The following PDZRN3 variants were observed in gnomAD, a reference collection of about 807,000 sequenced individuals.
PDZRN3 encodes the protein E3 ubiquitin-protein ligase PDZRN3.
In PDZRN3, 38 loss-of-function variants were observed where a neutral mutation model predicts 85.7. The observed-to-expected ratio is 0.44, with a 90% CI of 0.34 to 0.58. The LOEUF is 0.58. Among genes scored for constraint, PDZRN3 ranks in the 20% least tolerant of loss-of-function variants. The pLI, the probability that PDZRN3 is intolerant of heterozygous loss-of-function variation, is 0.01. For missense variants in PDZRN3, 1,629 were observed against 1,506.4 expected, an observed-to-expected ratio of 1.08 and a Z score of -1.35; for synonymous variants, 759 against 638.0, an observed-to-expected ratio of 1.19 and a Z score of -2.86.
At chr3:73,452,839 C>CTGTG (rs35308043) in intron 3 of PDZRN3, among the ~76,000 whole-genome samples, 3,382 of 140,674 alleles carry the variant, frequency 0.024, 141 homozygotes, top group African/African-American at 0.082. Flanking sequence ...GTCCATATAT[C>CTGTG]TGTGTGTGTG....
chr3:73,538,746 C>G (rs1295378601), intron 3 of PDZRN3, among the ~76,000 whole-genome samples: 1 of 152,098 alleles, frequency 6.6e-6, no homozygotes, highest in Non-Finnish European at 1.5e-5. Flanking sequence ...ATTGTTTCAT[C>G]TGGTTTTCAT....
At chr3:73,562,493 C>T (rs142063853) in intron 3 of PDZRN3, among the ~76,000 whole-genome samples, 1 of 152,282 alleles carries the variant, frequency 6.6e-6, no homozygotes, top group Non-Finnish European at 1.5e-5. Flanking sequence ...CTGTAAACTA[C>T]ACACAAAGTA....
intron 9 of PDZRN3, 77 bp from the exon 10 acceptor site, chr3:73,385,007 G>A (rs972389265): frequency 1.6e-5 from 24 of 1,500,024 alleles, no homozygotes; most frequent in African/African-American, 7.0e-5. Flanking sequence ...CTTTCCTTGC[G>A]GTTTCTGGAT....
chr3:73,471,093 G>A (rs1362530727), intron 3 of PDZRN3, among the ~76,000 whole-genome samples: 1 of 152,118 alleles, frequency 6.6e-6, no homozygotes, highest in Non-Finnish European at 1.5e-5. Context: ...AGGCAATTAA[G>A]TAAAAATGAG....
At chr3:73,463,569 C>A (rs955992402) in intron 3 of PDZRN3, among the ~76,000 whole-genome samples, 1 of 152,188 alleles carries the variant, frequency 6.6e-6, no homozygotes, top group Non-Finnish European at 1.5e-5. Context: ...AACACTTTTA[C>A]ACTGTGTGGG....
chr3:73,513,741 C>T (rs1309060284), intron 3 of PDZRN3, among the ~76,000 whole-genome samples: 2 of 152,128 alleles, frequency 1.3e-5, no homozygotes, highest in Non-Finnish European at 2.9e-5. Flanking sequence ...TATTACTCTC[C>T]CACTAGACTA....
intron 3 of PDZRN3, among the ~76,000 whole-genome samples, chr3:73,470,058 T>C (rs1367397913): frequency 2.0e-5 from 3 of 152,174 alleles, no homozygotes; most frequent in African/African-American, 7.2e-5. Flanking sequence ...TATTAAATGT[T>C]CCTTGGGGGC....
At chr3:73,519,991 T>C (rs940478326) in intron 3 of PDZRN3, among the ~76,000 whole-genome samples, 3 of 152,148 alleles carry the variant, frequency 2.0e-5, no homozygotes, top group African/African-American at 7.2e-5. Flanking sequence ...ATGGCGTTCC[T>C]TGGGGGTGGC....
intron 7 of PDZRN3, among the ~76,000 whole-genome samples, chr3:73,388,445 T>C (rs1471911883): frequency 6.6e-6 from 1 of 152,146 alleles, no homozygotes; most frequent in Non-Finnish European, 1.5e-5. Flanking sequence ...TATTGGATAA[T>C]ATAGAAGAAA....
At chr3:73,568,091 G>C (rs948326979) in intron 3 of PDZRN3, among the ~76,000 whole-genome samples, 3 of 152,078 alleles carry the variant, frequency 2.0e-5, no homozygotes, top group Non-Finnish European at 2.9e-5. Context: ...CAAAGATAGG[G>C]GATTAGGGAT....
At chr3:73,577,012 G>A (rs562503064) in intron 3 of PDZRN3, among the ~76,000 whole-genome samples, 7 of 152,346 alleles carry the variant, frequency 4.6e-5, no homozygotes, top group African/African-American at 1.7e-4. Context: ...AATCTGCAAT[G>A]TGATGTGATG....
intron 3 of PDZRN3, among the ~76,000 whole-genome samples, chr3:73,487,903 C>T (rs1703695320): frequency 6.6e-6 from 1 of 152,170 alleles, no homozygotes; most frequent in East Asian, 1.9e-4. Context: ...AGAAACATCA[C>T]CTAATGAGAA....
In PDZRN3 at chr3:73,384,091, G is replaced by C; in HGVS notation, c.2475C>G (p.Ser825=). Residue 825 remains serine, a synonymous_variant, in exon 10 of 10, where the codon TCC becomes TCG. Transcript: ENST00000263666. ...GCTGGTTGGGGTCCAGCTCCTTCAG[G>C]GACGGGCTATAGGTAGGGGTGCCCA... ...PEVGTPTYSP[S]LKELDPNQPL... The C allele has an allele frequency of 6.2e-7, 1 of 1,613,652 alleles. No homozygotes were observed. The highest frequency in any genetic ancestry group is 8.5e-7 in the Non-Finnish European group (1 of 1,179,904).
intron 5 of PDZRN3, among the ~76,000 whole-genome samples, chr3:73,393,069 GT>G (rs1029841829): frequency 5.3e-5 from 8 of 152,024 alleles, no homozygotes; most frequent in Admixed American, 3.3e-4. Context: ...TTTCCTCAAG[GT>G]TAGTGTGAAT....
At chr3:73,484,223 G>A (rs1232152637) in intron 3 of PDZRN3, among the ~76,000 whole-genome samples, 1 of 152,152 alleles carries the variant, frequency 6.6e-6, no homozygotes, top group Non-Finnish European at 1.5e-5. Context: ...GCAAAGAGGA[G>A]GAGAAGGAGA....
intron 3 of PDZRN3, among the ~76,000 whole-genome samples, chr3:73,491,721 G>A (rs1437216633): frequency 6.6e-6 from 1 of 151,274 alleles, no homozygotes; most frequent in Non-Finnish European, 1.5e-5. Flanking sequence ...ACCTCCTACA[G>A]AGTAGCTGAG....
rs1300028088 is a variant in PDZRN3, at chr3:73,624,445, C to A, written c.381G>T (p.Glu127Asp). 1 of 1,344,912 alleles carries A rather than the reference C, an allele frequency of 7.4e-7. No homozygotes were observed. Among genetic ancestry groups the A allele is most frequent in the Non-Finnish European group, 9.5e-7 (1 of 1,055,708 alleles). 83.3% of individuals were successfully genotyped at this position (1,344,912 alleles called of 1,614,324 possible). A position where few individuals can be genotyped will look rare whatever the true frequency, so the allele number is the denominator to read the frequency against. ...CGQVLLRRDV[E>D]AHMRDACDAR... ...CGTCGCAGGCGTCGCGCATGTGCGCCTCCACGTCGCGCCGCAGCAGCACCT... is the reference window on the plus strand; with the variant it reads ...CGTCGCAGGCGTCGCGCATGTGCGCATCCACGTCGCGCCGCAGCAGCACCT... The change falls in exon 1 of 10, where the codon GAG (glutamate) becomes GAT (aspartate). Residue 127 changes from glutamate to aspartate, a missense_variant. Coordinates refer to ENST00000263666, the MANE Select transcript of PDZRN3 (RefSeq NM_015009.3).
At chr3:73,560,787 A>C (rs961202262) in intron 3 of PDZRN3, among the ~76,000 whole-genome samples, 3 of 152,228 alleles carry the variant, frequency 2.0e-5, no homozygotes, top group African/African-American at 7.2e-5. Context: ...CTCATTCATG[A>C]TCCAGAAAAC....
chr3:73,604,488 G>T (rs111417896), intron 2 of PDZRN3, among the ~76,000 whole-genome samples: 1 of 152,102 alleles, frequency 6.6e-6, no homozygotes. Flanking sequence ...GAGGCGAAGC[G>T]GATCCTCTTG....
Sources: allele counts gnomAD v4.1 joint callset (sites outside exome capture counted in the v4.1 genomes callset), GRCh38; gene constraint gnomAD v4.1.1; transcripts MANE v1.5; gene names NCBI Gene and HGNC (gene_info 2026-07-23, HGNC 2026-07-21).